Variants in ZRANB3 observed in about 807,000 individuals in gnomAD.
ZRANB3 encodes DNA annealing helicase and endonuclease ZRANB3.
ZRANB3 carries 125 observed loss-of-function variants against 133.8 expected under a neutral mutation model. That is an observed-to-expected ratio of 0.93 (90% CI 0.81 to 1.08). The LOEUF is 1.08. ZRANB3 is among the 50% of genes least tolerant of loss of function. The probability of loss-of-function intolerance (pLI) is 0.00; values close to 1 mark genes in which losing one functional copy is unlikely to be tolerated. For synonymous variants in ZRANB3, 387 were observed against 432.7 expected, an observed-to-expected ratio of 0.89 and a Z score of 1.31; for missense variants, 1,229 against 1,275.5, an observed-to-expected ratio of 0.96 and a Z score of 0.56.
intron 2 of ZRANB3, among the ~76,000 whole-genome samples, chr2:135,410,299 T>C (rs111240861): frequency 7.2e-5 from 11 of 151,916 alleles, no homozygotes; most frequent in African/African-American, 2.4e-4. Context: ...CATAGACCAA[T>C]GGAACAGGAT....
chr2:135,441,960 G>C (rs1241217370), intron 2 of ZRANB3, among the ~76,000 whole-genome samples: 1 of 152,058 alleles, frequency 6.6e-6, no homozygotes, highest in Non-Finnish European at 1.5e-5. Flanking sequence ...TCCGAAATGA[G>C]GGACATTCAA....
At chr2:135,391,072 G>A (rs773164023) in intron 2 of ZRANB3, among the ~76,000 whole-genome samples, 1 of 152,128 alleles carries the variant, frequency 6.6e-6, no homozygotes. Context: ...TGTTGCTTAG[G>A]ATGGTATCGA....
At chr2:135,451,211 T>C (rs1690252320) in intron 2 of ZRANB3, among the ~76,000 whole-genome samples, 1 of 152,174 alleles carries the variant, frequency 6.6e-6, no homozygotes, top group Non-Finnish European at 1.5e-5. Context: ...AATATTCCTA[T>C]GAATATTAAA....
chr2:135,275,283 C>T (rs1460859168), intron 9 of ZRANB3, among the ~76,000 whole-genome samples: 1 of 151,850 alleles, frequency 6.6e-6, no homozygotes. Flanking sequence ...GACGGGGCGG[C>T]TGGCCGGGCG....
At chr2:135,464,684 C>T (rs1690906558) in intron 2 of ZRANB3, among the ~76,000 whole-genome samples, 1 of 152,104 alleles carries the variant, frequency 6.6e-6, no homozygotes, top group African/African-American at 2.4e-5. Context: ...AAGTTGATTT[C>T]AAGAGAAACT....
chr2:135,253,967 C>T (rs969582796), intron 12 of ZRANB3, among the ~76,000 whole-genome samples: 16 of 152,170 alleles, frequency 1.1e-4, no homozygotes, highest in Non-Finnish European at 2.2e-4. Context: ...CATCTCATGA[C>T]ACTACATACT....
chr2:135,461,192 T>TA (rs1191564338), intron 2 of ZRANB3, among the ~76,000 whole-genome samples: 1 of 152,190 alleles, frequency 6.6e-6, no homozygotes, highest in Non-Finnish European at 1.5e-5. Flanking sequence ...ATGTATACAT[T>TA]ATTCACATAT....
At chr2:135,415,704 C>T (rs1299933620) in intron 2 of ZRANB3, among the ~76,000 whole-genome samples, 3 of 152,124 alleles carry the variant, frequency 2.0e-5, no homozygotes, top group East Asian at 1.9e-4. Flanking sequence ...TGCAAGAATC[C>T]TCAATAAAAT....
At chr2:135,327,858 T>C (rs894543306) in intron 6 of ZRANB3, among the ~76,000 whole-genome samples, 1 of 152,144 alleles carries the variant, frequency 6.6e-6, no homozygotes, top group Non-Finnish European at 1.5e-5. Context: ...AAAAATTATG[T>C]ATTTTAGTTA....
Position 135,413,662 on chromosome 2 carries a change from T to A in ZRANB3, c.162-22842A>T, listed in dbSNP as rs1336184174. On this transcript the variant is annotated intron_variant, in intron 2 of 20. Transcript: ENST00000264159. Reference sequence around the variant, plus strand: ...AATTATATGCTAGTTAACAAGAGTCTACTTTAAGCTTTTACAGAAATGCAA... The same window carrying A: ...AATTATATGCTAGTTAACAAGAGTCAACTTTAAGCTTTTACAGAAATGCAA... Among the ~76,000 whole-genome samples, 7 of 152,236 alleles carry A rather than the reference T, an allele frequency of 4.6e-5. No individual in the cohort carries two copies. The East Asian group carries it at 1.4e-3, about 29-fold the overall frequency.
At chr2:135,421,878 C>CT (rs796407702) in intron 2 of ZRANB3, among the ~76,000 whole-genome samples, 4,298 of 129,694 alleles carry the variant, frequency 0.033, 208 homozygotes, top group African/African-American at 0.11. Flanking sequence ...ACTTTTATTT[C>CT]TTTTTTTTTT....
chr2:135,350,150 A>T lies in ZRANB3; in HGVS notation c.425T>A (p.Leu142Ter), dbSNP rs757569708. ...GTTCTGATTATTCAGTGCATCTATC[A>T]AAGTCTTTGCATCTGCGGTTAAGAG... ...YGLLTADAKT[L>*]IDALNNQNFK... The change falls in exon 5 of 21, where the codon TTG becomes TAG. Residue 142 changes from leucine to a stop codon, truncating the protein, a stop_gained. Coordinates refer to ENST00000264159, the MANE Select transcript of ZRANB3 (RefSeq NM_032143.4). LOFTEE classifies it high-confidence loss of function. 1.6e-5 allele frequency: 25 copies of T among 1,612,810 alleles called. No homozygotes were observed. The Middle Eastern group carries it at 3.0e-3, about 191-fold the overall frequency.
At chr2:135,235,759 A>C (rs1313555671) in intron 12 of ZRANB3, among the ~76,000 whole-genome samples, 1 of 150,722 alleles carries the variant, frequency 6.6e-6, no homozygotes, top group Non-Finnish European at 1.5e-5. Flanking sequence ...AAACACTCTC[A>C]ATAAATTAGG....
chr2:135,418,922 TC>T (rs1688705857), intron 2 of ZRANB3, among the ~76,000 whole-genome samples: 2 of 124,808 alleles, frequency 1.6e-5, no homozygotes, highest in Non-Finnish European at 3.2e-5. Context: ...ATAAGGATTC[TC>T]TCTTTTTTTT....
intron 2 of ZRANB3, among the ~76,000 whole-genome samples, chr2:135,430,723 G>C (rs1020125291): frequency 1.3e-5 from 2 of 152,078 alleles, no homozygotes; most frequent in African/African-American, 4.8e-5. Context: ...TAGATATATA[G>C]ATTAATCAAA....
At chr2:135,318,086 G>A (rs1396557008) in intron 6 of ZRANB3, among the ~76,000 whole-genome samples, 1 of 152,072 alleles carries the variant, frequency 6.6e-6, no homozygotes, top group Non-Finnish European at 1.5e-5. Context: ...GTGGTGCTGA[G>A]ATTTGAACTT....
intron 2 of ZRANB3, among the ~76,000 whole-genome samples, chr2:135,433,359 CA>C (rs747522300): frequency 6.6e-6 from 1 of 151,958 alleles, no homozygotes; most frequent in African/African-American, 2.4e-5. Flanking sequence ...TGCACTCCAG[CA>C]CGGGCAACAA....
Position 135,259,776 on chromosome 2 carries a change from C to CT in ZRANB3, c.1539+5757dup, listed in dbSNP as rs536637582. 3.8e-3 allele frequency among the ~76,000 whole-genome samples: 554 copies of CT among 145,656 alleles called. 2 individuals carry two copies. The highest frequency in any genetic ancestry group is 0.012 in the South Asian group (53 of 4,540). ...TCATTACCCATACTAAATTAGAGTC[C>CT]TTTTTTTTTTTGGCTCACCTATGAA... On this transcript the variant is annotated intron_variant, in intron 12 of 20. Transcript: ENST00000264159.
At chr2:135,416,803 C>T (rs1181823152) in intron 2 of ZRANB3, among the ~76,000 whole-genome samples, 1 of 152,090 alleles carries the variant, frequency 6.6e-6, no homozygotes, top group Admixed American at 6.6e-5. Flanking sequence ...GAAATAACGC[C>T]ACATATCTAC....
Sources: gnomAD v4.1 joint callset for allele counts (sites outside exome capture counted in the v4.1 genomes callset) on GRCh38, gnomAD v4.1.1 for gene constraint, MANE v1.5 for transcripts, NCBI Gene and HGNC (gene_info 2026-07-23, HGNC 2026-07-21) for gene names.